The following BTBD9 variants were observed in gnomAD, a reference collection of about 807,000 sequenced individuals.
BTBD9 encodes BTB/POZ domain-containing protein 9.
BTBD9 carries 49 observed loss-of-function variants against 64.3 expected under a neutral mutation model. That is an observed-to-expected ratio of 0.76 (90% CI 0.61 to 0.97). The LOEUF is 0.97. Ranked by LOEUF, BTBD9 falls within the 50% of genes least tolerant of loss-of-function variation. The probability of loss-of-function intolerance (pLI) is 0.00; values close to 1 mark genes in which losing one functional copy is unlikely to be tolerated. For missense variants in BTBD9, 598 were observed against 762.1 expected (o/e 0.78, Z 2.53); for synonymous variants, 260 against 274.7 (o/e 0.95, Z 0.53).
chr6:38,477,648 G>A (rs568869710), intron 6 of BTBD9, among the ~76,000 whole-genome samples: 1 of 152,250 alleles, frequency 6.6e-6, no homozygotes, highest in African/African-American at 2.4e-5. Context: ...TTTATTTTCT[G>A]TCACCCTAGT....
chr6:38,314,418 A>AT (rs946845469), intron 7 of BTBD9, among the ~76,000 whole-genome samples: 60 of 150,380 alleles, frequency 4.0e-4, no homozygotes, highest in Middle Eastern at 3.4e-3. Context: ...GATGAATTTT[A>AT]TTTTTTTTTA....
At chr6:38,364,177 A>T (rs543659966) in intron 6 of BTBD9, among the ~76,000 whole-genome samples, 1 of 152,296 alleles carries the variant, frequency 6.6e-6, no homozygotes, top group African/African-American at 2.4e-5. Flanking sequence ...CATTTGGAGG[A>T]CACTGTGTTT....
chr6:38,588,771 G>C (rs896575580), intron 4 of BTBD9, among the ~76,000 whole-genome samples: 3 of 152,190 alleles, frequency 2.0e-5, no homozygotes, highest in African/African-American at 7.2e-5. Context: ...TTACATGTAT[G>C]TAAAGTGATT....
Position 38,334,843 on chromosome 6 carries a change from C to T in BTBD9, c.1264+10141G>A, listed in dbSNP as rs182132392. Reference sequence around the variant, plus strand: ...ACAAGAGCAGTAAAAATTTTTTTCCCGGCAATCTTTATTCTTAAAAAAAAA... The same window carrying T: ...ACAAGAGCAGTAAAAATTTTTTTCCTGGCAATCTTTATTCTTAAAAAAAAA... On this transcript the variant is annotated intron_variant, in intron 7 of 10. Coordinates refer to ENST00000481247, the MANE Select transcript of BTBD9 (RefSeq NM_001099272.2). Among the ~76,000 whole-genome samples, 32 of 151,270 alleles carry T rather than the reference C, an allele frequency of 2.1e-4. No individual in the cohort carries two copies. In the South Asian group the frequency reaches 6.0e-3, roughly 29 times the overall value.
intron 8 of BTBD9, among the ~76,000 whole-genome samples, chr6:38,265,857 T>G (rs1764953401): frequency 6.6e-6 from 1 of 152,172 alleles, no homozygotes; most frequent in Non-Finnish European, 1.5e-5. Flanking sequence ...AAGACCATCT[T>G]TTCACTTCTT....
intron 10 of BTBD9, among the ~76,000 whole-genome samples, chr6:38,177,104 C>T (rs1412307365): frequency 1.3e-5 from 2 of 152,176 alleles, no homozygotes; most frequent in Non-Finnish European, 2.9e-5. Flanking sequence ...GCTCTTTATC[C>T]GGCCCCACCA....
intron 6 of BTBD9, among the ~76,000 whole-genome samples, chr6:38,524,881 T>TTATCTCTCTG (rs908122340): frequency 6.6e-6 from 1 of 152,126 alleles, no homozygotes; most frequent in African/African-American, 2.4e-5. Flanking sequence ...CTTCCTCTCT[T>TTATCTCTCTG]TATCTCTCTG....
intron 6 of BTBD9, among the ~76,000 whole-genome samples, chr6:38,390,042 A>G (rs1425752309): frequency 1.3e-5 from 2 of 152,200 alleles, no homozygotes; most frequent in Non-Finnish European, 2.9e-5. Context: ...ATGCCACTCA[A>G]ACTTCTTCCT....
chr6:38,496,655 TA>T (rs951014301), intron 6 of BTBD9, among the ~76,000 whole-genome samples: 849 of 124,982 alleles, frequency 6.8e-3, no homozygotes, highest in Admixed American at 7.1e-3. Context: ...CCCTGTCTCT[TA>T]AAAAAAAAAA....
At chr6:38,179,632 A>C in intron 10 of BTBD9, 1 of 456,768 alleles carries the variant, frequency 2.2e-6, no homozygotes. Context: ...ACCTCTGTGC[A>C]GGGGCCTGTG....
chr6:38,282,057 T>C (rs1761531091), intron 8 of BTBD9, among the ~76,000 whole-genome samples: 1 of 152,166 alleles, frequency 6.6e-6, no homozygotes. Context: ...AATTAGCAAG[T>C]AGAAAGATAA....
intron 8 of BTBD9, among the ~76,000 whole-genome samples, chr6:38,270,105 A>G (rs1296128727): frequency 6.6e-6 from 1 of 152,218 alleles, no homozygotes; most frequent in African/African-American, 2.4e-5. Flanking sequence ...CAAGCACAGC[A>G]TGAGGCTTCA....
intron 6 of BTBD9, among the ~76,000 whole-genome samples, chr6:38,575,845 T>C (rs1010339113): frequency 1.3e-5 from 2 of 152,130 alleles, no homozygotes; most frequent in Admixed American, 6.6e-5. Context: ...CCTTCATGAA[T>C]ACAGCCAGTC....
rs1231407770 is a variant in BTBD9, at chr6:38,247,469, CAT to C, written c.1562+8938_1562+8939del. On this transcript the variant is annotated intron_variant, in intron 9 of 10. Coordinates refer to ENST00000481247, the MANE Select transcript of BTBD9 (RefSeq NM_001099272.2). ...AGGCAGCAGATGGGTGGACTCCACA[CAT>C]GTCTTTCCAGGTGACAGGGAGACAG... Among the ~76,000 whole-genome samples, 14 of 152,342 alleles carry C rather than the reference CAT, an allele frequency of 9.2e-5. 1 individual carries two copies. Among genetic ancestry groups the C allele is most frequent in the Admixed American group, 7.2e-4 (11 of 15,296 alleles).
At chr6:38,346,202 G>A (rs564651470) in intron 6 of BTBD9, among the ~76,000 whole-genome samples, 3 of 152,216 alleles carry the variant, frequency 2.0e-5, no homozygotes, top group South Asian at 4.2e-4. Context: ...TGAGTTAATC[G>A]CTATTCACTA....
intron 9 of BTBD9, among the ~76,000 whole-genome samples, chr6:38,219,301 AT>A (rs11389502): frequency 3.8e-4 from 52 of 136,742 alleles, no homozygotes; most frequent in African/African-American, 4.4e-4. Context: ...CACCCAGCTA[AT>A]TTTTTTTTTT....
chr6:38,425,174 G>C (rs1436515324), intron 6 of BTBD9, among the ~76,000 whole-genome samples: 1 of 142,960 alleles, frequency 7.0e-6, no homozygotes, highest in Admixed American at 7.0e-5. Context: ...GTGCAGTGGC[G>C]TGATCTCAGC....
intron 6 of BTBD9, among the ~76,000 whole-genome samples, chr6:38,507,872 C>T (rs186354323): frequency 1.5e-3 from 210 of 137,582 alleles, no homozygotes; most frequent in African/African-American, 5.1e-3. Context: ...CTCGCTCTGT[C>T]GCCCAGGCTG....
At chr6:38,497,842 C>T (rs529612352) in intron 6 of BTBD9, among the ~76,000 whole-genome samples, 4 of 152,214 alleles carry the variant, frequency 2.6e-5, no homozygotes, top group African/African-American at 7.2e-5. Context: ...CAGGCAGAAC[C>T]GAAGGTATTA....
Sources: gnomAD v4.1 joint callset for allele counts (sites outside exome capture counted in the v4.1 genomes callset) on GRCh38, gnomAD v4.1.1 for gene constraint, MANE v1.5 for transcripts, NCBI Gene and HGNC (gene_info 2026-07-23, HGNC 2026-07-21) for gene names.